CNTLN: variants seen among roughly 807,000 people sequenced by gnomAD.
The protein encoded by CNTLN is centlein.
CNTLN carries 212 observed loss-of-function variants against 180.0 expected under a neutral mutation model. That is an observed-to-expected ratio of 1.18 (90% confidence interval 1.05 to 1.32). The LOEUF (loss-of-function observed/expected upper bound fraction) is 1.32. CNTLN is among the 40% of genes most tolerant of loss of function. CNTLN has a pLI of 0.00. For synonymous variants in CNTLN, 722 were observed against 563.1 expected (o/e 1.28, Z -3.99); for missense variants, 2,095 against 1,610.9 (o/e 1.30, Z -5.14).
At chr9:17,272,352 G>A (rs1202617743) in intron 5 of CNTLN, among the ~76,000 whole-genome samples, 1 of 152,080 alleles carries the variant, frequency 6.6e-6, no homozygotes, top group African/African-American at 2.4e-5. Context: ...TGGGATTACA[G>A]GCGTGAGTCA....
chr9:17,216,956 C>T (rs55814315), intron 2 of CNTLN, among the ~76,000 whole-genome samples: 5 of 152,276 alleles, frequency 3.3e-5, no homozygotes, highest in South Asian at 2.1e-4. Flanking sequence ...GAGCACTTTT[C>T]GTGTTGCAAG....
At chr9:17,436,501 T>G (rs1829786595) in intron 18 of CNTLN, among the ~76,000 whole-genome samples, 1 of 152,230 alleles carries the variant, frequency 6.6e-6, no homozygotes. Flanking sequence ...GCACAGCCCA[T>G]TCAACAAATG....
chr9:17,140,214 T>A (rs1586889444), intron 1 of CNTLN, among the ~76,000 whole-genome samples: 1 of 152,306 alleles, frequency 6.6e-6, no homozygotes, highest in East Asian at 1.9e-4. Context: ...TAGTATAGCA[T>A]TTAAATAACT....
intron 25 of CNTLN, among the ~76,000 whole-genome samples, chr9:17,490,146 C>G (rs747346857): frequency 6.6e-6 from 1 of 151,936 alleles, no homozygotes; most frequent in Non-Finnish European, 1.5e-5. Context: ...TGAGCAGGGT[C>G]GGGATGTAAT....
At chr9:17,356,780 A>G (rs184208577) in intron 12 of CNTLN, among the ~76,000 whole-genome samples, 2 of 152,296 alleles carry the variant, frequency 1.3e-5, no homozygotes, top group Non-Finnish European at 2.9e-5. Context: ...ATCAATAAGC[A>G]TACAGATATG....
chr9:17,153,758 C>T (rs201807741), intron 2 of CNTLN, among the ~76,000 whole-genome samples: 37 of 152,080 alleles, frequency 2.4e-4, no homozygotes, highest in African/African-American at 6.5e-4. Context: ...TTTTCCAACT[C>T]GGTTCCATTC....
rs936041165 is a variant in CNTLN at position 17,361,362 on chromosome 9, C to T, written c.1887-5255C>T. Among the ~76,000 whole-genome samples the T allele has an allele frequency of 2.6e-5, 4 of 152,114 alleles. 1 individual carries two copies. The highest frequency in any genetic ancestry group is 9.7e-5 in the African/African-American group (4 of 41,414). ...ATCTCTACTCATTAGAATGACCCAT[C>T]TGTGTTCTCTATTGAATGCCTCTGA... is the stretch of plus-strand genomic sequence containing the variant. On this transcript the variant is annotated intron_variant, in intron 12 of 25. Transcript: ENST00000380647.
chr9:17,458,605 A>G (rs1276390704), intron 19 of CNTLN, among the ~76,000 whole-genome samples: 2 of 151,940 alleles, frequency 1.3e-5, no homozygotes, highest in Non-Finnish European at 2.9e-5. Context: ...CCCAAATAGG[A>G]TATGTGCACC....
At chr9:17,370,019 TA>T (rs1824177777) in intron 13 of CNTLN, among the ~76,000 whole-genome samples, 1 of 139,842 alleles carries the variant, frequency 7.2e-6, no homozygotes. Flanking sequence ...ACAGAGGAGA[TA>T]AAAGAATAAA....
At chr9:17,457,375 G>A in intron 18 of CNTLN, 149 bp from the exon 19 acceptor site, 1 of 455,818 alleles carries the variant, frequency 2.2e-6, no homozygotes, top group South Asian at 8.7e-5. Context: ...TAGAGGTTAA[G>A]ATTTTTGTAA....
intron 9 of CNTLN, 42 bp from the exon 10 acceptor site, chr9:17,332,563 G>T: frequency 6.5e-7 from 1 of 1,543,866 alleles, no homozygotes; most frequent in Non-Finnish European, 8.7e-7. Context: ...TCATAATCCA[G>T]TGTTCCAACT....
intron 2 of CNTLN, 27 bp downstream of exon 2, chr9:17,143,403 A>T: frequency 6.5e-7 from 1 of 1,535,878 alleles, no homozygotes. Flanking sequence ...TTTTTTCATG[A>T]GTATTTGGTG....
chr9:17,324,645 T>TAAACCC (rs1820142378), intron 8 of CNTLN, among the ~76,000 whole-genome samples: 1 of 152,166 alleles, frequency 6.6e-6, no homozygotes, highest in Admixed American at 6.5e-5. Flanking sequence ...GATGTATGTA[T>TAAACCC]ATACCCATAA....
At chr9:17,329,492 A>G (rs1820505700) in intron 8 of CNTLN, among the ~76,000 whole-genome samples, 1 of 152,132 alleles carries the variant, frequency 6.6e-6, no homozygotes, top group Non-Finnish European at 1.5e-5. Flanking sequence ...TGGTAACAGT[A>G]CAATGTAAAC....
chr9:17,394,942 T>G lies in CNTLN; in HGVS notation c.2488T>G (p.Phe830Val). 6.2e-7 allele frequency: 1 copy of G among 1,614,090 alleles called. No individual in the cohort carries two copies. The highest frequency in any genetic ancestry group is 8.5e-7 in the Non-Finnish European group (1 of 1,179,978). Residue 830 changes from phenylalanine to valine, a missense_variant, in exon 15 of 26, where the codon TTT becomes GTT. Transcript: ENST00000380647. Reference sequence around the variant, plus strand: ...TAAGACAACTATGACCAAGGTTAAATTTAAAGCTGCGAAGAAAAATTGCTC... The same window carrying G: ...TAAGACAACTATGACCAAGGTTAAAGTTAAAGCTGCGAAGAAAAATTGCTC... ...DCKTTMTKVK[F>V]KAAKKNCSVG... is the part of the protein sequence containing the mutation.
chr9:17,222,653 C>G (rs1824218940), intron 2 of CNTLN, among the ~76,000 whole-genome samples: 1 of 151,970 alleles, frequency 6.6e-6, no homozygotes, highest in South Asian at 2.1e-4. Context: ...TCTTTTTCTT[C>G]CCAGTCTCGG....
intron 10 of CNTLN, among the ~76,000 whole-genome samples, chr9:17,334,420 TACAC>T (rs56376464): frequency 0.027 from 4,098 of 149,808 alleles, 155 homozygotes; most frequent in African/African-American, 0.086. Context: ...GCCAATAGAA[TACAC>T]ACACACACAC....
intron 23 of CNTLN, among the ~76,000 whole-genome samples, chr9:17,475,003 A>G (rs1391295418): frequency 1.3e-5 from 2 of 152,184 alleles, no homozygotes; most frequent in African/African-American, 4.8e-5. Context: ...TTACTTCTGC[A>G]ACTTCACTTT....
chr9:17,249,290 T>G (rs1212992413), intron 5 of CNTLN, among the ~76,000 whole-genome samples: 1 of 151,816 alleles, frequency 6.6e-6, no homozygotes, highest in East Asian at 1.9e-4. Flanking sequence ...AATTCATCTC[T>G]AAATATTTTC....
Sources: allele counts gnomAD v4.1 joint callset (sites outside exome capture counted in the v4.1 genomes callset), GRCh38; gene constraint gnomAD v4.1.1; transcripts MANE v1.5; gene names NCBI Gene and HGNC (gene_info 2026-07-23, HGNC 2026-07-21).